APAF1: variants seen among roughly 807,000 people sequenced by gnomAD.
APAF1 encodes apoptotic protease-activating factor 1.
A neutral mutation model predicts 152.4 loss-of-function variants in APAF1; 91 were observed. The ratio of observed to expected loss-of-function variants is 0.60; its 90% CI spans 0.50 to 0.71. APAF1 has a LOEUF of 0.71. Ranked by LOEUF, APAF1 falls within the 30% of genes least tolerant of loss-of-function variation. The pLI, the probability that APAF1 is intolerant of heterozygous loss-of-function variation, is 0.00. For missense variants in APAF1, 1,283 were observed against 1,472.0 expected (o/e 0.87, Z 2.10); for synonymous variants, 484 against 494.1 (o/e 0.98, Z 0.27).
chr12:98,714,965 T>C (rs2097732380), intron 21 of APAF1, among the ~76,000 whole-genome samples: 1 of 151,108 alleles, frequency 6.6e-6, no homozygotes, highest in African/African-American at 2.4e-5. Context: ...TCTGATATCC[T>C]GTCTCCCTCA....
chr12:98,659,185 G>T lies in APAF1; in HGVS notation c.552G>T (p.Trp184Cys). Reference protein sequence around the residue: ...LEGCFPGGVHWVSVGKQDKSG... With the variant: ...LEGCFPGGVHCVSVGKQDKSG... ...GTTGTTTCCCAGGGGGAGTGCATTG[G>T]GTTTCAGTTGGGAAACAAGACAAAT... The change falls in exon 5 of 27, where the codon TGG becomes TGT. Residue 184 changes from tryptophan (W) to cysteine (C), a missense_variant. Physicochemically the swap from Trp to Cys is radical, Grantham distance 215. Transcript: ENST00000551964. 1 of 1,614,076 alleles carries T rather than the reference G, an allele frequency of 6.2e-7. No homozygotes were observed. The highest frequency in any genetic ancestry group is 8.5e-7 in the Non-Finnish European group (1 of 1,180,024).
intron 22 of APAF1, among the ~76,000 whole-genome samples, chr12:98,715,753 G>A (rs1451072083): frequency 6.6e-6 from 1 of 150,554 alleles, no homozygotes; most frequent in East Asian, 1.9e-4. Flanking sequence ...AGAATCCTCT[G>A]TTGGAAGGTT....
intron 24 of APAF1, among the ~76,000 whole-genome samples, chr12:98,724,798 G>A (rs1427829178): frequency 6.6e-6 from 1 of 152,000 alleles, no homozygotes; most frequent in Non-Finnish European, 1.5e-5. Context: ...TTATCTTCTT[G>A]TACCACTAGT....
At chr12:98,717,686 AT>A (rs897729633) in intron 22 of APAF1, among the ~76,000 whole-genome samples, 38 of 151,424 alleles carry the variant, frequency 2.5e-4, no homozygotes, top group African/African-American at 9.2e-4. Flanking sequence ...TATATATATA[AT>A]TTTTTCCCCA....
At chr12:98,676,135 T>A (rs2097686238) in intron 12 of APAF1, among the ~76,000 whole-genome samples, 1 of 152,222 alleles carries the variant, frequency 6.6e-6, no homozygotes, top group Non-Finnish European at 1.5e-5. Flanking sequence ...GTGACAGGGA[T>A]GTAACGTATA....
intron 12 of APAF1, among the ~76,000 whole-genome samples, chr12:98,672,267 C>T (rs371757589): frequency 2.0e-5 from 3 of 152,010 alleles, no homozygotes; most frequent in East Asian, 3.9e-4. Flanking sequence ...CGGATTCAAA[C>T]GATTCTCCTG....
In APAF1 at chr12:98,677,340, A is replaced by G. The variant is rs2097687684; in HGVS notation, c.1794-85A>G. On this transcript the variant is annotated intron_variant, in intron 12 of 26. Coordinates refer to ENST00000551964, the MANE Select transcript of APAF1 (RefSeq NM_181861.2). ...ATTTTGGGGAACATAACCATGTTAA[A>G]AGACAGTTTATTTTAGTACTGAAAG... The G allele has an allele frequency of 2.1e-6, 3 of 1,410,834 alleles. No individual in the cohort carries two copies. The South Asian group carries it at 3.6e-5, about 17-fold the overall frequency. 87.4% of individuals were successfully genotyped at this position (1,410,834 alleles called of 1,614,324 possible). A position where few individuals can be genotyped will look rare whatever the true frequency, so the allele number is the denominator to read the frequency against.
Position 98,671,814 on chromosome 12 carries a change from T to C in APAF1, c.1793+95T>C. 2.4e-6 allele frequency: 3 copies of C among 1,241,418 alleles called. No individual in the cohort carries two copies. The South Asian group carries it at 3.7e-5, about 15-fold the overall frequency. 76.9% of individuals were successfully genotyped at this position (1,241,418 alleles called of 1,614,324 possible). On this transcript the variant is annotated intron_variant, in intron 12 of 26. Transcript: ENST00000551964. ...TACGATCACTCCAGGAGGATTTAAC[T>C]ACTTTCGAAAGGGCTGGAACTTTTA...
intron 17 of APAF1, among the ~76,000 whole-genome samples, chr12:98,702,859 A>T (rs1009892889): frequency 1.3e-5 from 2 of 151,554 alleles, no homozygotes; most frequent in African/African-American, 2.4e-5. Flanking sequence ...AAAAAAAAAA[A>T]TTGAAGAAAC....
intron 1 of APAF1, 64 bp from the exon 2 acceptor site, chr12:98,648,255 G>C: frequency 7.2e-7 from 1 of 1,398,464 alleles, no homozygotes; most frequent in Admixed American, 1.9e-5. Context: ...TTGTTTATTA[G>C]TGAGATTATG....
At chr12:98,715,234 G>GTA (rs2097732837) in intron 21 of APAF1, among the ~76,000 whole-genome samples, 193 bp from the exon 22 acceptor site, 12 of 58,350 alleles carry the variant, frequency 2.1e-4, no homozygotes, top group African/African-American at 7.2e-4. Flanking sequence ...TACATGGTGT[G>GTA]CATATATATA....
rs140327382 is a variant in APAF1, at chr12:98,677,550, A to G, written c.1919A>G (p.Gln640Arg). The G allele has an allele frequency of 6.2e-7, 1 of 1,614,062 alleles. No individual in the cohort carries two copies. The highest frequency in any genetic ancestry group is 1.3e-5 in the African/African-American group (1 of 74,952). ...TCTTGTGGAGCTGATAAAACCTTAC[A>G]GGTAAAACACATCTCTTGAGAAAAA... is the stretch of plus-strand genomic sequence containing the variant. ...IASCGADKTLQVFKAETGEKL... is the reference protein window; with the variant it reads ...IASCGADKTLRVFKAETGEKL... Residue 640 changes from glutamine (Q) to arginine (R), a missense_variant and splice_region_variant, in exon 13 of 27, where the codon CAG (glutamine) becomes CGG (arginine). Physicochemically the swap from Gln to Arg is conservative, Grantham distance 43 (BLOSUM62 1). Transcript: ENST00000551964.
Position 98,659,291 on chromosome 12 carries a change from A to G in APAF1, c.658A>G (p.Ile220Val), listed in dbSNP as rs1309746107. 6 of 1,614,064 alleles carry G rather than the reference A, an allele frequency of 3.7e-6. No homozygotes were observed. The African/African-American group carries it at 5.3e-5, about 14-fold the overall frequency. Residue 220 changes from isoleucine to valine, a missense_variant, in exon 5 of 27, where the codon ATT becomes GTT. Coordinates refer to ENST00000551964, the MANE Select transcript of APAF1 (RefSeq NM_181861.2). ...TTTTTCCCAGAGGCTTCCACTTAAT[A>G]TTGAAGAGGCTAAAGACCGTCTCCG... ...ESFSQRLPLN[I>V]EEAKDRLRIL...
chr12:98,665,113 T>G (rs930568548), intron 7 of APAF1, among the ~76,000 whole-genome samples: 12 of 151,430 alleles, frequency 7.9e-5, no homozygotes, highest in African/African-American at 2.9e-4. Context: ...CACCGTAGCC[T>G]CAACCTCCTG....
rs1158549284 is a variant in APAF1 at position 98,706,587 on chromosome 12, T to A, written c.2698T>A (p.Ser900Thr). 2 of 1,614,056 alleles carry A rather than the reference T, an allele frequency of 1.2e-6. No homozygotes were observed. The highest frequency in any genetic ancestry group is 1.7e-6 in the Non-Finnish European group (2 of 1,179,930). The stretch of plus-strand genomic sequence containing the variant: ...TCCTGATGGATCATCATTTTTGACA[T>A]CTTCTGATGACCAGACAATCAGGGT... The part of the protein sequence containing the change: ...FSPDGSSFLT[S>T]SDDQTIRLWE... Residue 900 changes from serine to threonine, a missense_variant, in exon 19 of 27, where the codon TCT becomes ACT. Ser to Thr is a moderately conservative substitution (Grantham distance 58). Transcript: ENST00000551964.
intron 16 of APAF1, among the ~76,000 whole-genome samples, chr12:98,688,454 T>C (rs1183651510): frequency 6.8e-6 from 1 of 147,302 alleles, no homozygotes; most frequent in Admixed American, 7.1e-5. Context: ...AATAACCTTC[T>C]ACCACTGTTT....
intron 15 of APAF1, among the ~76,000 whole-genome samples, chr12:98,686,071 A>G (rs914783180): frequency 1.3e-5 from 2 of 152,224 alleles, no homozygotes; most frequent in Non-Finnish European, 2.9e-5. Context: ...ACATAATAAA[A>G]TATAGTTTTG....
chr12:98,723,759 G>A lies in APAF1; in HGVS notation c.3325G>A (p.Ala1109Thr), dbSNP rs747331633. 6.2e-7 allele frequency: 1 copy of A among 1,613,732 alleles called. No homozygotes were observed. Among genetic ancestry groups the A allele is most frequent in the East Asian group, 2.2e-5 (1 of 44,816 alleles). ...KFSSTSADKTAKIWSFDLLLP... is the reference protein window; with the variant it reads ...KFSSTSADKTTKIWSFDLLLP... The stretch of plus-strand genomic sequence containing the variant: ...TTCATCTACCTCTGCTGACAAGACT[G>A]CAAAGGTAGGTCAATCAATTGAAAC... The change falls in exon 24 of 27, where the codon GCA becomes ACA. Residue 1109 changes from alanine (A) to threonine (T), a missense_variant. By Grantham distance (58) the Ala-to-Thr change is moderately conservative. Coordinates refer to ENST00000551964, the MANE Select transcript of APAF1 (RefSeq NM_181861.2).
intron 7 of APAF1, among the ~76,000 whole-genome samples, chr12:98,664,970 GTTGT>G (rs1303125816): frequency 6.6e-6 from 1 of 151,740 alleles, no homozygotes; most frequent in African/African-American, 2.4e-5. Context: ...CATTGTTTAC[GTTGT>G]TTAAGATTTT....
Sources: gnomAD v4.1 joint callset for allele counts (sites outside exome capture counted in the v4.1 genomes callset) on GRCh38, gnomAD v4.1.1 for gene constraint, MANE v1.5 for transcripts, NCBI Gene and HGNC (gene_info 2026-07-23, HGNC 2026-07-21) for gene names.